Variants in CLEC20A observed in about 807,000 individuals in gnomAD.
CLEC20A encodes C-type lectin domain containing 20A.
intron 5 of CLEC20A, chr1:178,486,937 G>A (rs1416571258): frequency 7.6e-6 from 3 of 397,198 alleles, no homozygotes; most frequent in Admixed American, 4.4e-5. Context: ...CGCGGAGGCG[G>A]AAGCGCGCGA....
chr1:178,488,811 A>G (rs1295247674), intron 4 of CLEC20A, among the ~76,000 whole-genome samples: 1 of 152,240 alleles, frequency 6.6e-6, no homozygotes, highest in African/African-American at 2.4e-5. Context: ...TCAGGGAGGA[A>G]GAGCATCTTT....
chr1:178,482,830 G>A (rs1172692377), intron 6 of CLEC20A: 1 of 209,578 alleles, frequency 4.8e-6, no homozygotes, highest in African/African-American at 2.3e-5. Flanking sequence ...AATCATTACA[G>A]GAACTACAAT....
chr1:178,488,541 G>C (rs1277488819), exon 5 of CLEC20A: 1 of 398,720 alleles, frequency 2.5e-6, no homozygotes, highest in African/African-American at 2.1e-5. Flanking sequence ...TCATTTCTGT[G>C]GGGGAAGTGT....
chr1:178,492,311 G>A (rs1649284996), intron 3 of CLEC20A, among the ~76,000 whole-genome samples, 190 bp downstream of exon 3: 1 of 151,482 alleles, frequency 6.6e-6, no homozygotes, highest in African/African-American at 2.4e-5. Flanking sequence ...TAAAAATAAG[G>A]ACATTGATTC....
intron 3 of CLEC20A, 50 bp downstream of exon 3, chr1:178,492,451 G>A: frequency 2.5e-6 from 1 of 398,568 alleles, no homozygotes; most frequent in East Asian, 3.6e-5. Flanking sequence ...AGAGATCCAA[G>A]GCAAAACAAG....
chr1:178,482,476 G>A (rs944542433), intron 6 of CLEC20A, 79 bp from the exon 7 acceptor site: 6 of 397,728 alleles, frequency 1.5e-5, no homozygotes, highest in Non-Finnish European at 2.7e-5. Context: ...GGAGCACCCG[G>A]TGGACACCAT....
At chr1:178,490,017 C>A in intron 4 of CLEC20A, 55 bp downstream of exon 4, 1 of 398,544 alleles carries the variant, frequency 2.5e-6, no homozygotes, top group South Asian at 1.3e-4. Context: ...ACCCATTTCC[C>A]ATCTCATTCT....
rs572686690 is a variant in CLEC20A at position 178,487,783 on chromosome 1, G to A, written c.928+718C>T. 4.6e-5 allele frequency among the ~76,000 whole-genome samples: 7 copies of A among 152,270 alleles called. 1 individual carries two copies. In the East Asian group the frequency reaches 1.3e-3, roughly 29 times the overall value. On this transcript the variant is annotated intron_variant, in intron 5 of 7. Coordinates refer to ENST00000623247, the Ensembl canonical transcript of CLEC20A. ...TGAGTGAATGAACGAGGCTCTGCTC[G>A]ACCTTGATCAAGTGCCCTCACTTTT...
chr1:178,497,821 C>T (rs1331301113), upstream of CLEC20A, among the ~76,000 whole-genome samples: 1 of 151,982 alleles, frequency 6.6e-6, no homozygotes, highest in African/African-American at 2.4e-5. Flanking sequence ...ATAAGCAGAT[C>T]GGGGAGGGAA....
At chr1:178,484,712 AAAGT>A (rs1649090301) in intron 5 of CLEC20A, 1 of 152,188 alleles carries the variant, frequency 6.6e-6, no homozygotes, top group Non-Finnish European at 1.5e-5. Context: ...AAAGCAAAAA[AAAGT>A]AAGCATCTTT....
At chr1:178,499,538 T>C (rs1385510537), upstream of CLEC20A, 2 of 152,190 alleles carry the variant, frequency 1.3e-5, no homozygotes, top group Non-Finnish European at 2.9e-5. Flanking sequence ...ACATACATCG[T>C]TCTCCCGTGC....
intron 7 of CLEC20A, chr1:178,480,054 G>C (rs1035980892): frequency 1.3e-5 from 2 of 150,926 alleles, no homozygotes; most frequent in South Asian, 2.1e-4. Context: ...GAAGAGCCAG[G>C]GGGTAAGAAA....
At chr1:178,484,611 G>A (rs939457914) in intron 5 of CLEC20A, 2 of 152,166 alleles carry the variant, frequency 1.3e-5, no homozygotes, top group African/African-American at 4.8e-5. Context: ...GAACCCAGGA[G>A]TTCAAGGCTG....
At chr1:178,491,185 C>T (rs1649257676) in intron 3 of CLEC20A, among the ~76,000 whole-genome samples, 1 of 152,198 alleles carries the variant, frequency 6.6e-6, no homozygotes, top group African/African-American at 2.4e-5. Flanking sequence ...GCCCAGCCTA[C>T]CCTGCCCATC....
At chr1:178,488,674 T>C in intron 4 of CLEC20A, 75 bp from the exon 5 acceptor site, 1 of 398,452 alleles carries the variant, frequency 2.5e-6, no homozygotes, top group Non-Finnish European at 4.4e-6. Flanking sequence ...CAGGCTCTGA[T>C]GGCCCCGCAT....
chr1:178,487,990 T>A (rs1414919949), intron 5 of CLEC20A, among the ~76,000 whole-genome samples: 3 of 152,208 alleles, frequency 2.0e-5, no homozygotes, highest in Non-Finnish European at 4.4e-5. Flanking sequence ...ATGCTGTCAC[T>A]GTCCTTCCCA....
upstream of CLEC20A, among the ~76,000 whole-genome samples, chr1:178,497,683 C>A (rs925855384): frequency 3.3e-5 from 5 of 152,218 alleles, no homozygotes; most frequent in Non-Finnish European, 7.3e-5. Flanking sequence ...CCCGGGGACA[C>A]ATACACATGT....
In CLEC20A at chr1:178,486,966, G is replaced by GGGCTCGCGGGGCTCC. The variant is rs1213721778; in HGVS notation, c.928+1520_928+1534dup. On this transcript the variant is annotated intron_variant, in intron 5 of 7. Coordinates refer to ENST00000623247, the Ensembl canonical transcript of CLEC20A. Reference sequence around the variant, plus strand: ...CGCGCGAGTAGGAGGTGCGGAGGTCGGGCTCGCGGGGCTCCGGGCTGCCCC... The same window carrying GGGCTCGCGGGGCTCC: ...CGCGCGAGTAGGAGGTGCGGAGGTCGGGCTCGCGGGGCTCCGGCTCGCGGGGCTCCGGGCTGCCCC... 2.0e-5 allele frequency: 8 copies of GGGCTCGCGGGGCTCC among 396,066 alleles called. No homozygotes were observed. In the East Asian group the frequency reaches 2.9e-4, roughly 14 times the overall value. The allele number at this position is 396,066 out of a possible 1,614,324, so 24.5% of individuals were successfully genotyped here. A position where few individuals can be genotyped will look rare whatever the true frequency, so the allele number is the denominator to read the frequency against.
chr1:178,482,351 C>T, exon 7 of CLEC20A: 1 of 398,628 alleles, frequency 2.5e-6, no homozygotes. Context: ...CTGGGTCCAT[C>T]AGAGTTGAGA....
Sources: allele counts gnomAD v4.1 joint callset (sites outside exome capture counted in the v4.1 genomes callset), GRCh38; gene constraint gnomAD v4.1.1; transcripts MANE v1.5; gene names NCBI Gene and HGNC (gene_info 2026-07-23, HGNC 2026-07-21).